Variants in SLC7A14 observed in about 807,000 individuals in gnomAD.
SLC7A14 encodes the protein solute carrier family 7 member 14, also known as gamma-aminobutyric acid transporter SLC7A14.
In SLC7A14, 37 loss-of-function variants were observed where a neutral mutation model predicts 60.2. The observed-to-expected ratio is 0.61, with a 90% CI of 0.47 to 0.81. The LOEUF is 0.81. Ranked by LOEUF, SLC7A14 falls within the 30% of genes least tolerant of loss-of-function variation. SLC7A14 has a pLI of 0.00. For missense variants in SLC7A14, 886 were observed against 982.7 expected (o/e 0.90, Z 1.32); for synonymous variants, 399 against 395.8 (o/e 1.01, Z -0.10).
intron 1 of SLC7A14, among the ~76,000 whole-genome samples, chr3:170,548,910 G>A (rs183093947): frequency 6.6e-6 from 1 of 152,306 alleles, no homozygotes; most frequent in East Asian, 1.9e-4. Flanking sequence ...ATTAGAGTCT[G>A]TGTCTCTTTT....
chr3:170,504,321 A>AT (rs943033934), intron 2 of SLC7A14, among the ~76,000 whole-genome samples: 31 of 151,716 alleles, frequency 2.0e-4, no homozygotes, highest in Admixed American at 1.8e-3. Context: ...TATTTTTTTA[A>AT]TTTTTTTTAA....
At chr3:170,583,477 GA>G (rs1313489168) in intron 1 of SLC7A14, among the ~76,000 whole-genome samples, 1 of 152,224 alleles carries the variant, frequency 6.6e-6, no homozygotes, top group Non-Finnish European at 1.5e-5. Context: ...AAGCAGTATG[GA>G]AGAGTATTTC....
chr3:170,483,157 C>T (rs1206252919), intron 6 of SLC7A14, among the ~76,000 whole-genome samples, 157 bp downstream of exon 6: 1 of 152,134 alleles, frequency 6.6e-6, no homozygotes, highest in African/African-American at 2.4e-5. Context: ...AGGGCCTGAG[C>T]TCTGTTACTC....
chr3:170,568,132 A>G (rs956461233), intron 1 of SLC7A14, among the ~76,000 whole-genome samples: 2 of 152,072 alleles, frequency 1.3e-5, no homozygotes, highest in Admixed American at 6.6e-5. Flanking sequence ...TAGGGTTTTT[A>G]TGGTTTTAGG....
At position 170,534,192 on chromosome 3, in the gene SLC7A14, C is replaced by T. The variant is rs77537027; in HGVS notation, c.-152-7104G>A. Among the ~76,000 whole-genome samples the T allele has an allele frequency of 1.3e-3, 192 of 152,328 alleles. 2 individuals are homozygous for T. The highest frequency in any genetic ancestry group is 4.5e-3 in the African/African-American group (188 of 41,568). On this transcript the variant is annotated intron_variant, in intron 1 of 7. Transcript: ENST00000231706. ...GGCTGTACTCCAGACAGTGGATCGG[C>T]TTCAGATCTTTTCCCCAATCTGGAC...
In SLC7A14 at chr3:170,570,764, A is replaced by C. The variant is rs142061095; in HGVS notation, c.-153+15147T>G. On this transcript the variant is annotated intron_variant, in intron 1 of 7. Coordinates refer to ENST00000231706, the MANE Select transcript of SLC7A14 (RefSeq NM_020949.3). Reference sequence around the variant, plus strand: ...AGATGCCCCTATGCCTTCTATCCTAACTTTCCCAAGGATAAAAAGTATCTA... The same window carrying C: ...AGATGCCCCTATGCCTTCTATCCTACCTTTCCCAAGGATAAAAAGTATCTA... Among the ~76,000 whole-genome samples the C allele has an allele frequency of 7.3e-4, 111 of 152,260 alleles. 1 individual carries two copies. The highest frequency in any genetic ancestry group is 2.4e-3 in the African/African-American group (98 of 41,550).
intron 3 of SLC7A14, among the ~76,000 whole-genome samples, chr3:170,499,216 G>GA (rs1712522541): frequency 7.7e-6 from 1 of 129,482 alleles, no homozygotes; most frequent in South Asian, 2.5e-4. Flanking sequence ...CAGCCTGGGG[G>GA]ACAGAGTGAG....
In SLC7A14 at chr3:170,467,369, T is replaced by G. The variant is rs1560245611; in HGVS notation, c.2002A>C (p.Ile668Leu). The G allele has an allele frequency of 1.3e-6, 2 of 1,592,162 alleles. No homozygotes were observed. The highest frequency in any genetic ancestry group is 2.3e-5 in the South Asian group (2 of 87,966). The stretch of plus-strand genomic sequence containing the variant: ...TTCCAGATGCCATATCCAAAATAAA[T>G]GAGCAGACCTGTGGGGCGAGGGGAA... ...FAVWCFVGLL[I>L]YFGYGIWNST... The change falls in exon 8 of 8, where the codon ATT (isoleucine) becomes CTT (leucine). Residue 668 changes from isoleucine to leucine, a missense_variant. Transcript: ENST00000231706.
intron 1 of SLC7A14, among the ~76,000 whole-genome samples, chr3:170,540,630 C>A (rs1000885712): frequency 2.0e-5 from 3 of 152,088 alleles, no homozygotes; most frequent in Non-Finnish European, 4.4e-5. Context: ...CATTTTGGAT[C>A]CATGGTCCAG....
intron 1 of SLC7A14, among the ~76,000 whole-genome samples, chr3:170,569,188 A>G: frequency 6.6e-6 from 1 of 152,138 alleles, no homozygotes; most frequent in Non-Finnish European, 1.5e-5. Context: ...ACATCCCATC[A>G]ATACCTAATT....
At position 170,532,190 on chromosome 3, in the gene SLC7A14, G is replaced by A. The variant is rs190632044; in HGVS notation, c.-152-5102C>T. 6.6e-6 allele frequency among the ~76,000 whole-genome samples: 1 copy of A among 151,758 alleles called. No homozygotes were observed. The highest frequency in any genetic ancestry group is 1.9e-4 in the East Asian group (1 of 5,180). ...CTGATAGAAGCAGCCCTTTCACGTG[G>A]TGGGACAGTTAGGATTGCTACAAGA... On this transcript the variant is annotated intron_variant, in intron 1 of 7. Coordinates refer to ENST00000231706, the MANE Select transcript of SLC7A14 (RefSeq NM_020949.3). The surrounding 1 kb of genome is among the most constrained non-coding windows in gnomAD (Gnocchi z 4.0).
At chr3:170,544,875 A>T (rs1242833850) in intron 1 of SLC7A14, among the ~76,000 whole-genome samples, 1 of 152,204 alleles carries the variant, frequency 6.6e-6, no homozygotes, top group Non-Finnish European at 1.5e-5. Context: ...ACATGACTCC[A>T]TTCAGAGCAG....
chr3:170,559,022 C>T (rs985533008), intron 1 of SLC7A14, among the ~76,000 whole-genome samples: 1 of 152,100 alleles, frequency 6.6e-6, no homozygotes, highest in African/African-American at 2.4e-5. Flanking sequence ...AGGTTGATGT[C>T]GGAATCCAAC....
intron 2 of SLC7A14, among the ~76,000 whole-genome samples, chr3:170,520,164 C>T (rs147866206): frequency 1.1e-4 from 17 of 152,334 alleles, no homozygotes; most frequent in Non-Finnish European, 2.2e-4. Flanking sequence ...CCATTCCTTA[C>T]GCTGTCACCT....
chr3:170,573,681 C>T (rs1382701332), intron 1 of SLC7A14, among the ~76,000 whole-genome samples: 1 of 152,218 alleles, frequency 6.6e-6, no homozygotes, highest in Non-Finnish European at 1.5e-5. Context: ...TTCTTCACCA[C>T]TAGCGAAACA....
chr3:170,573,491 G>A (rs1278249741), intron 1 of SLC7A14, among the ~76,000 whole-genome samples: 1 of 152,216 alleles, frequency 6.6e-6, no homozygotes, highest in African/African-American at 2.4e-5. Context: ...TGCCTTAGCA[G>A]AGAATTAGGC....
At chr3:170,551,534 A>G (rs1371091594) in intron 1 of SLC7A14, among the ~76,000 whole-genome samples, 3 of 152,214 alleles carry the variant, frequency 2.0e-5, no homozygotes, top group South Asian at 2.1e-4. Flanking sequence ...GGATGATTTC[A>G]GTTTCTCTAC....
In SLC7A14 at chr3:170,549,359, C is replaced by T. The variant is rs141773897; in HGVS notation, c.-152-22271G>A. On this transcript the variant is annotated intron_variant, in intron 1 of 7. Transcript: ENST00000231706. ...CCTCCTGAGTAGCTGGGACTACAGGCGCGCACCACCACACCTGGCTAACAT... is the reference window on the plus strand; with the variant it reads ...CCTCCTGAGTAGCTGGGACTACAGGTGCGCACCACCACACCTGGCTAACAT... Among the ~76,000 whole-genome samples, 763 of 151,230 alleles carry T rather than the reference C, an allele frequency of 5.0e-3. 5 individuals are homozygous for T. The highest frequency in any genetic ancestry group is 7.1e-3 in the African/African-American group (296 of 41,472).
chr3:170,464,791 T>G lies in SLC7A14; in HGVS notation c.*2264A>C, dbSNP rs1413804091. 1 of 152,218 alleles carries G rather than the reference T, an allele frequency of 6.6e-6. No individual in the cohort carries two copies. Among genetic ancestry groups the G allele is most frequent in the East Asian group, 1.9e-4 (1 of 5,198 alleles). 9.4% of individuals were successfully genotyped at this position (152,218 alleles called of 1,614,324 possible). ...CACCAGGCTATTGTTACTTTAATAC[T>G]TAAACCTCACTAGTAAAAGGAAGCT... On this transcript the variant is annotated 3_prime_UTR_variant, in exon 8 of 8. Coordinates refer to ENST00000231706, the MANE Select transcript of SLC7A14 (RefSeq NM_020949.3).
Sources: allele counts gnomAD v4.1 joint callset (sites outside exome capture counted in the v4.1 genomes callset), GRCh38; gene constraint gnomAD v4.1.1; non-coding constraint Gnocchi (gnomAD v3.1); transcripts MANE v1.5; gene names NCBI Gene and HGNC (gene_info 2026-07-23, HGNC 2026-07-21).